G3BP1: variants seen among roughly 807,000 people sequenced by gnomAD.
G3BP1 encodes G3BP stress granule assembly factor 1.
Under a neutral mutation model 58.6 loss-of-function variants are expected in G3BP1, and 35 were observed. The observed-to-expected ratio is 0.60, with a 90% CI of 0.46 to 0.79. G3BP1 has a LOEUF of 0.79. G3BP1 is among the 30% of genes least tolerant of loss of function. The pLI is 0.00. For synonymous variants in G3BP1, 191 were observed against 195.4 expected (o/e 0.98, Z 0.19); for missense variants, 523 against 580.8 (o/e 0.90, Z 1.02).
At chr5:151,778,075 T>C (rs1001998557) in intron 1 of G3BP1, among the ~76,000 whole-genome samples, 5 of 152,198 alleles carry the variant, frequency 3.3e-5, no homozygotes, top group African/African-American at 4.8e-5. Context: ...TGTACAAGTC[T>C]TTGTATGGGT....
intron 1 of G3BP1, chr5:151,772,513 A>T (rs1386893569): frequency 6.5e-6 from 1 of 152,724 alleles, no homozygotes; most frequent in African/African-American, 2.4e-5. Context: ...CGCGCGTCGC[A>T]GAAGCGCCTT....
Position 151,803,961 on chromosome 5 carries a change from G to A in G3BP1, c.1271G>A (p.Arg424Gln). The change falls in exon 12 of 12, where the codon CGA becomes CAA. Residue 424 changes from arginine to glutamine, a missense_variant. Physicochemically the swap from Arg to Gln is conservative, Grantham distance 43 (BLOSUM62 1). This residue lies in a region of G3BP1 where 125 missense variants were observed against 181.7 expected (regional missense o/e 0.69). Transcript: ENST00000356245. ...KTRAAREGDR[R>Q]DNRLRGPGGP... ...CGAGCTGCCAGGGAAGGCGACCGACGAGATAATCGCCTTCGGGGACCTGGA... is the reference window on the plus strand; with the variant it reads ...CGAGCTGCCAGGGAAGGCGACCGACAAGATAATCGCCTTCGGGGACCTGGA... 2 of 1,613,756 alleles carry A rather than the reference G, an allele frequency of 1.2e-6. No individual in the cohort carries two copies. Among genetic ancestry groups the A allele is most frequent in the Non-Finnish European group, 8.5e-7 (1 of 1,179,680 alleles).
rs1472743474 is a variant in G3BP1 at position 151,806,572 on chromosome 5, G to A, written c.*2481G>A. 1 of 152,192 alleles carries A rather than the reference G, an allele frequency of 6.6e-6. No homozygotes were observed. Among genetic ancestry groups the A allele is most frequent in the Non-Finnish European group, 1.5e-5 (1 of 68,042 alleles). 9.4% of individuals were successfully genotyped at this position (152,192 alleles called of 1,614,324 possible). A position where few individuals can be genotyped will look rare whatever the true frequency, so the allele number is the denominator to read the frequency against. The stretch of plus-strand genomic sequence containing the variant: ...CTGTTGAGAATCCTTGTACAATTAT[G>A]TACATTATTGCATGTAGAGTAAACC... On this transcript the variant is annotated 3_prime_UTR_variant, in exon 12 of 12. Transcript: ENST00000356245.
intron 1 of G3BP1, among the ~76,000 whole-genome samples, chr5:151,780,323 A>G (rs1196706322): frequency 6.6e-6 from 1 of 152,130 alleles, no homozygotes; most frequent in African/African-American, 2.4e-5. Context: ...ACATTCTACT[A>G]ATCTTTTATT....
intron 1 of G3BP1, among the ~76,000 whole-genome samples, chr5:151,780,716 C>CATT (rs1421654964): frequency 6.6e-6 from 1 of 152,116 alleles, no homozygotes; most frequent in African/African-American, 2.4e-5. Flanking sequence ...GGTTTTACCG[C>CATT]ATTAGCCAGG....
intron 11 of G3BP1, among the ~76,000 whole-genome samples, chr5:151,801,763 A>G (rs1042075544): frequency 3.9e-5 from 6 of 152,040 alleles, no homozygotes; most frequent in African/African-American, 1.4e-4. Flanking sequence ...AATACTGCAG[A>G]TCAGTGATAT....
intron 5 of G3BP1, 132 bp downstream of exon 5, chr5:151,794,381 T>A: frequency 1.6e-6 from 1 of 613,064 alleles, no homozygotes; most frequent in Non-Finnish European, 2.9e-6. Flanking sequence ...TTATGGTATA[T>A]GAAGAGTCTG....
At chr5:151,791,912 C>A in intron 4 of G3BP1, 1 of 347,686 alleles carries the variant, frequency 2.9e-6, no homozygotes, top group Non-Finnish European at 5.6e-6. Flanking sequence ...CTGCCTCAGC[C>A]TCCGAAAGTG....
In G3BP1 at chr5:151,812,003, T is replaced by C. The variant is rs1763024747; in HGVS notation, c.*7912T>C. 6.6e-6 allele frequency: 1 copy of C among 152,236 alleles called. No individual in the cohort carries two copies. Among genetic ancestry groups the C allele is most frequent in the African/African-American group, 2.4e-5 (1 of 41,462 alleles). 9.4% of individuals were successfully genotyped at this position (152,236 alleles called of 1,614,324 possible). On this transcript the variant is annotated 3_prime_UTR_variant, in exon 12 of 12. Transcript: ENST00000356245. ...AGAAGTATCTTCTACTTTGGCTAGC[T>C]GTCAGAGTTGCCGCTATGTGAGCTT...
intron 4 of G3BP1, 39 bp downstream of exon 4, chr5:151,791,101 A>C (rs952003821): frequency 6.7e-7 from 1 of 1,498,860 alleles, no homozygotes; most frequent in Non-Finnish European, 9.3e-7. Context: ...GATCCAATAC[A>C]TGAAAAAAGA....
chr5:151,794,012 G>C (rs1057109417), intron 4 of G3BP1, 147 bp from the exon 5 acceptor site: 2 of 582,152 alleles, frequency 3.4e-6, no homozygotes, highest in Non-Finnish European at 6.2e-6. Context: ...CCCTGTCTCA[G>C]AACCCCACAA....
At chr5:151,798,824 A>G (rs1209992226) in intron 7 of G3BP1, among the ~76,000 whole-genome samples, 1 of 152,186 alleles carries the variant, frequency 6.6e-6, no homozygotes. Flanking sequence ...ATAGCTGGAC[A>G]TGGTGGCACA....
chr5:151,776,897 CTTTT>C (rs199646127), intron 1 of G3BP1, among the ~76,000 whole-genome samples: 4 of 130,586 alleles, frequency 3.1e-5, no homozygotes, highest in African/African-American at 5.7e-5. Context: ...GTTGTTCCAG[CTTTT>C]TTTTTTTTTT....
intron 4 of G3BP1, chr5:151,791,414 A>G (rs1762650246): frequency 5.7e-6 from 1 of 176,798 alleles, no homozygotes; most frequent in Non-Finnish European, 1.2e-5. Context: ...TTCCTTGTCC[A>G]ACATGGAATC....
In G3BP1 at chr5:151,804,341, A is replaced by C; in HGVS notation, c.*250A>C. On this transcript the variant is annotated 3_prime_UTR_variant, in exon 12 of 12. Coordinates refer to ENST00000356245, the MANE Select transcript of G3BP1 (RefSeq NM_005754.3). ...AATAACGGACTTTTAAAGAAGCAAA[A>C]AAAAAGACTGAATTTCCTTGCTTAC... 2.7e-6 allele frequency: 1 copy of C among 365,722 alleles called. No individual in the cohort carries two copies. The highest frequency in any genetic ancestry group is 4.1e-5 in the East Asian group (1 of 24,454). 22.7% of individuals were successfully genotyped at this position (365,722 alleles called of 1,614,324 possible).
At chr5:151,781,345 T>C (rs1380871113) in intron 1 of G3BP1, among the ~76,000 whole-genome samples, 1 of 152,278 alleles carries the variant, frequency 6.6e-6, no homozygotes, top group African/African-American at 2.4e-5. Context: ...CTATAATTTT[T>C]TTCCTAGCCA....
chr5:151,786,145 C>G (rs752284361), intron 1 of G3BP1, among the ~76,000 whole-genome samples: 1 of 152,084 alleles, frequency 6.6e-6, no homozygotes, highest in Non-Finnish European at 1.5e-5. Flanking sequence ...AAAAATTAGC[C>G]GGGCATGATG....
At chr5:151,799,342 G>A (rs1561537077) in intron 8 of G3BP1, 29 bp downstream of exon 8, 1 of 1,112,470 alleles carries the variant, frequency 9.0e-7, no homozygotes, top group East Asian at 2.3e-5. Context: ...TTGTACATTA[G>A]GCAAATTTAC....
At chr5:151,785,983 C>T (rs930258024) in intron 1 of G3BP1, among the ~76,000 whole-genome samples, 1 of 152,186 alleles carries the variant, frequency 6.6e-6, no homozygotes, top group African/African-American at 2.4e-5. Flanking sequence ...CTGGAACACT[C>T]TTAATTGGGC....
Sources: allele counts gnomAD v4.1 joint callset (sites outside exome capture counted in the v4.1 genomes callset), GRCh38; gene constraint gnomAD v4.1.1; regional missense constraint gnomAD v4.1.1; transcripts MANE v1.5; gene names NCBI Gene and HGNC (gene_info 2026-07-23, HGNC 2026-07-21).